COG5: variants seen among roughly 807,000 people sequenced by gnomAD.
The protein encoded by COG5 is conserved oligomeric Golgi complex subunit 5.
Under a neutral mutation model 110.4 loss-of-function variants are expected in COG5, and 86 were observed. That is an observed-to-expected ratio of 0.78 (90% confidence interval 0.65 to 0.93). The LOEUF is 0.93. COG5 is among the 40% of genes least tolerant of loss of function. COG5 has a pLI of 0.00. For missense variants in COG5, 1,077 were observed against 987.0 expected, an observed-to-expected ratio of 1.09 and a Z score of -1.22; for synonymous variants, 360 against 334.6, an observed-to-expected ratio of 1.08 and a Z score of -0.83.
chr7:107,220,776 G>A (rs1799858305), intron 19 of COG5, among the ~76,000 whole-genome samples: 1 of 151,814 alleles, frequency 6.6e-6, no homozygotes, highest in South Asian at 2.1e-4. Flanking sequence ...CCTGAAAGGG[G>A]ACTTTGAGGG....
At chr7:107,437,283 T>C (rs991614901) in intron 6 of COG5, among the ~76,000 whole-genome samples, 5 of 152,168 alleles carry the variant, frequency 3.3e-5, no homozygotes, top group African/African-American at 1.2e-4. Context: ...ACTCCAAAAA[T>C]GGTGAATAGC....
At chr7:107,511,773 A>C (rs1159321968) in intron 6 of COG5, among the ~76,000 whole-genome samples, 1 of 152,250 alleles carries the variant, frequency 6.6e-6, no homozygotes, top group Non-Finnish European at 1.5e-5. Flanking sequence ...TCCAGCATAT[A>C]AACAGAACCA....
intron 6 of COG5, among the ~76,000 whole-genome samples, chr7:107,526,822 A>G (rs1356466688): frequency 6.6e-6 from 1 of 152,206 alleles, no homozygotes; most frequent in East Asian, 1.9e-4. Context: ...TTTATGTGTC[A>G]TTCTCAAAAA....
rs762775120 is a variant in COG5, at chr7:107,474,196, G to A, written c.538+53041C>T. On this transcript the variant is annotated intron_variant, in intron 6 of 21. Transcript: ENST00000297135. The surrounding 1 kb of genome is among the most constrained non-coding windows in gnomAD (Gnocchi z 5.7). ...GTTAAGCTTTCAAGTGTCTCTCACC[G>A]GATTTCTTATGTTAGAAATTGTGTT... The A allele has an allele frequency of 2.5e-6, 4 of 1,612,766 alleles. No homozygotes were observed. Among genetic ancestry groups the A allele is most frequent in the Non-Finnish European group, 3.4e-6 (4 of 1,179,044 alleles).
intron 3 of COG5, among the ~76,000 whole-genome samples, chr7:107,551,100 T>C (rs762906704): frequency 6.6e-6 from 1 of 152,030 alleles, no homozygotes; most frequent in Non-Finnish European, 1.5e-5. Context: ...TGGAGTGTAG[T>C]GGCATGATCT....
chr7:107,302,982 C>T (rs983485747), intron 11 of COG5, among the ~76,000 whole-genome samples: 1 of 152,162 alleles, frequency 6.6e-6, no homozygotes, highest in African/African-American at 2.4e-5. Context: ...GCTGTTAACT[C>T]CATGAAGGCA....
intron 6 of COG5, among the ~76,000 whole-genome samples, chr7:107,465,244 C>G (rs186165141): frequency 6.6e-6 from 1 of 152,064 alleles, no homozygotes; most frequent in Non-Finnish European, 1.5e-5. Flanking sequence ...AAAAAACTCC[C>G]AAGACTAATA....
At chr7:107,310,367 C>T (rs1251374628) in intron 11 of COG5, among the ~76,000 whole-genome samples, 2 of 152,120 alleles carry the variant, frequency 1.3e-5, no homozygotes, top group Non-Finnish European at 2.9e-5. Context: ...TTTAAGCTGC[C>T]CACTTTGTGG....
chr7:107,474,551 T>C lies in COG5; in HGVS notation c.538+52686A>G. 6.2e-7 allele frequency: 1 copy of C among 1,610,844 alleles called. No individual in the cohort carries two copies. Among genetic ancestry groups the C allele is most frequent in the Non-Finnish European group, 8.5e-7 (1 of 1,178,250 alleles). On this transcript the variant is annotated intron_variant, in intron 6 of 21. Transcript: ENST00000297135. The surrounding 1 kb of genome is among the most constrained non-coding windows in gnomAD (Gnocchi z 5.7). ...AGAGCTGTAATGTTAATGATATCCA[T>C]TTGGATTTTTTCTTTTTTCTCTTTC...
chr7:107,447,709 A>T (rs1795092475), intron 6 of COG5, among the ~76,000 whole-genome samples: 1 of 152,244 alleles, frequency 6.6e-6, no homozygotes, highest in Admixed American at 6.5e-5. Flanking sequence ...GGTAGTTTAG[A>T]TTAAATCCCA....
chr7:107,294,449 G>C (rs1340307063), intron 12 of COG5, among the ~76,000 whole-genome samples: 1 of 152,078 alleles, frequency 6.6e-6, no homozygotes, highest in East Asian at 1.9e-4. Flanking sequence ...CCAACTCTGT[G>C]CTGGCCCCCC....
Position 107,234,545 on chromosome 7 carries a change from A to G in COG5, c.2091+1905T>C, listed in dbSNP as rs908994304. 2.6e-5 allele frequency among the ~76,000 whole-genome samples: 4 copies of G among 152,296 alleles called. No homozygotes were observed. The East Asian group carries it at 5.8e-4, about 22-fold the overall frequency. ...AGGGAACATATTAAAATAAAAAACA[A>G]AAACAAGCCTCTCTCCTACAGCACT... On this transcript the variant is annotated intron_variant, in intron 18 of 21. Coordinates refer to ENST00000297135, the MANE Select transcript of COG5 (RefSeq NM_006348.5).
At chr7:107,322,986 G>A (rs1281916752) in intron 11 of COG5, among the ~76,000 whole-genome samples, 1 of 152,170 alleles carries the variant, frequency 6.6e-6, no homozygotes, top group Non-Finnish European at 1.5e-5. Flanking sequence ...CCAGGACCCA[G>A]GGAGTGAAGG....
At chr7:107,375,243 A>C (rs1265963596) in intron 7 of COG5, among the ~76,000 whole-genome samples, 1 of 152,010 alleles carries the variant, frequency 6.6e-6, no homozygotes, top group Non-Finnish European at 1.5e-5. Flanking sequence ...CCACTGTAGT[A>C]ATTTGCTTTA....
intron 6 of COG5, among the ~76,000 whole-genome samples, chr7:107,416,679 T>C (rs1792870616): frequency 6.6e-6 from 1 of 152,182 alleles, no homozygotes; most frequent in African/African-American, 2.4e-5. Context: ...ACTATAACTG[T>C]ATTTCATATG....
At chr7:107,400,790 A>G (rs931857609) in intron 7 of COG5, among the ~76,000 whole-genome samples, 2 of 152,166 alleles carry the variant, frequency 1.3e-5, no homozygotes, top group Non-Finnish European at 2.9e-5. Flanking sequence ...TGGATTGTTC[A>G]CAACAAGAGA....
Position 107,202,274 on chromosome 7 carries a change from G to C in COG5, c.*1242C>G. ...GGGGGCAGACTTTGCACTTACTGCAGTGCAACACTTGCACTTTAATTTTCC... is the reference window on the plus strand; with the variant it reads ...GGGGGCAGACTTTGCACTTACTGCACTGCAACACTTGCACTTTAATTTTCC... On this transcript the variant is annotated 3_prime_UTR_variant, in exon 22 of 22. Coordinates refer to ENST00000297135, the MANE Select transcript of COG5 (RefSeq NM_006348.5). 2.0e-5 allele frequency: 3 copies of C among 152,600 alleles called. No homozygotes were observed. Among genetic ancestry groups the C allele is most frequent in the Non-Finnish European group, 4.4e-5 (3 of 68,040 alleles). 9.5% of individuals were successfully genotyped at this position (152,600 alleles called of 1,614,324 possible). A position where few individuals can be genotyped will look rare whatever the true frequency, so the allele number is the denominator to read the frequency against.
intron 6 of COG5, among the ~76,000 whole-genome samples, chr7:107,417,229 C>T (rs1370777702): frequency 6.6e-6 from 1 of 152,150 alleles, no homozygotes; most frequent in East Asian, 1.9e-4. Flanking sequence ...TTCTAAAATA[C>T]TTAAAACCTT....
At chr7:107,486,198 A>T (rs142463385) in intron 6 of COG5, among the ~76,000 whole-genome samples, 1 of 152,198 alleles carries the variant, frequency 6.6e-6, no homozygotes, top group Non-Finnish European at 1.5e-5. Context: ...ATGGAAGTGT[A>T]TGGTGAAAAA....
Sources: allele counts gnomAD v4.1 joint callset (sites outside exome capture counted in the v4.1 genomes callset), GRCh38; gene constraint gnomAD v4.1.1; non-coding constraint Gnocchi (gnomAD v3.1); transcripts MANE v1.5; gene names NCBI Gene and HGNC (gene_info 2026-07-23, HGNC 2026-07-21).